CTNND2: variants seen among roughly 807,000 people sequenced by gnomAD.
The protein encoded by CTNND2 is catenin delta 2.
A neutral mutation model predicts 144.4 loss-of-function variants in CTNND2; 22 were observed. The observed-to-expected ratio is 0.15, with a 90% CI of 0.11 to 0.22. The LOEUF (loss-of-function observed/expected upper bound fraction) is 0.22. CTNND2 is among the 10% of genes least tolerant of loss of function. The pLI, the probability that CTNND2 is intolerant of heterozygous loss-of-function variation, is 1.00. For synonymous variants in CTNND2, 751 were observed against 695.6 expected (o/e 1.08, Z -1.25); for missense variants, 1,353 against 1,618.8 (o/e 0.84, Z 2.82).
At chr5:11,105,932 G>A (rs545806347) in intron 14 of CTNND2, among the ~76,000 whole-genome samples, 5 of 152,268 alleles carry the variant, frequency 3.3e-5, no homozygotes, top group Admixed American at 3.3e-4. Context: ...CAGATGGTTA[G>A]AAAGGAAATG....
intron 1 of CTNND2, among the ~76,000 whole-genome samples, chr5:11,897,737 T>C (rs1737508383): frequency 6.6e-6 from 1 of 152,204 alleles, no homozygotes; most frequent in Admixed American, 6.5e-5. Flanking sequence ...TTGATAACTC[T>C]TGATGTAGTG....
intron 1 of CTNND2, among the ~76,000 whole-genome samples, chr5:11,883,174 A>G (rs1457689598): frequency 6.6e-6 from 1 of 152,000 alleles, no homozygotes; most frequent in Non-Finnish European, 1.5e-5. Context: ...TTGAAACTTT[A>G]CTGCATTTAT....
At position 11,334,714 on chromosome 5, in the gene CTNND2, A is replaced by G. The variant is rs139289167; in HGVS notation, c.1628+11658T>C. Reference sequence around the variant, plus strand: ...TGTAGCATCCTTCAAGAGCAGATAGATAGGGTAGATGGAGGCCCTCACTTT... The same window carrying G: ...TGTAGCATCCTTCAAGAGCAGATAGGTAGGGTAGATGGAGGCCCTCACTTT... On this transcript the variant is annotated intron_variant, in intron 9 of 21. Transcript: ENST00000304623. Among the ~76,000 whole-genome samples the G allele has an allele frequency of 3.4e-4, 52 of 152,314 alleles. No individual in the cohort carries two copies. In the East Asian group the frequency reaches 6.8e-3, roughly 20 times the overall value.
At chr5:11,854,106 CTTG>C (rs999062359) in intron 1 of CTNND2, among the ~76,000 whole-genome samples, 1 of 152,202 alleles carries the variant, frequency 6.6e-6, no homozygotes, top group African/African-American at 2.4e-5. Context: ...CACCGTCCTC[CTTG>C]TTGTTCCCAA....
intron 3 of CTNND2, among the ~76,000 whole-genome samples, chr5:11,479,269 G>A (rs969233688): frequency 5.3e-5 from 8 of 152,028 alleles, no homozygotes; most frequent in Non-Finnish European, 7.4e-5. Flanking sequence ...CTATTCTTGC[G>A]TTAGTTTGTT....
chr5:11,370,630 ACT>A (rs959116880), intron 7 of CTNND2, among the ~76,000 whole-genome samples: 1 of 152,132 alleles, frequency 6.6e-6, no homozygotes, highest in South Asian at 2.1e-4. Flanking sequence ...ATAATCTATG[ACT>A]CTCTAATTTA....
At chr5:11,244,280 A>ATTTTTTTTTTTTTTTTTTTTTTT (rs11322159) in intron 9 of CTNND2, among the ~76,000 whole-genome samples, 1 of 104,102 alleles carries the variant, frequency 9.6e-6, no homozygotes, top group East Asian at 2.5e-4. Context: ...GTCCTATACA[A>ATTTTTTTTTTTTTTTTTTTTTTT]TTTTTTTTTT....
At chr5:11,339,811 T>C (rs1159991843) in intron 9 of CTNND2, among the ~76,000 whole-genome samples, 2 of 152,196 alleles carry the variant, frequency 1.3e-5, no homozygotes, top group South Asian at 4.1e-4. Flanking sequence ...GGCACCTTGA[T>C]CTTGGACTTC....
rs1429420670 is a variant in CTNND2 at position 11,129,286 on chromosome 5, AAATATAT to A, written c.2160-11726_2160-11720del. ...AAATATATAAATATATATTATATAA[AAATATAT>A]AATATATATTATATATATAAATATA... On this transcript the variant is annotated intron_variant, in intron 12 of 21. Coordinates refer to ENST00000304623, the MANE Select transcript of CTNND2 (RefSeq NM_001332.4). Among the ~76,000 whole-genome samples the A allele has an allele frequency of 5.3e-5, 3 of 56,832 alleles. 1 individual carries two copies. In the Admixed American group the frequency reaches 9.7e-4, roughly 18 times the overall value. The allele number at this position is 56,832 out of a possible 152,430, so 37.3% of individuals were successfully genotyped here.
chr5:11,241,287 GACA>G (rs1322819563), intron 9 of CTNND2, among the ~76,000 whole-genome samples: 4 of 152,188 alleles, frequency 2.6e-5, no homozygotes, highest in Non-Finnish European at 4.4e-5. Context: ...ACTGCACTTA[GACA>G]ACAATCTGTG....
chr5:11,592,020 T>G (rs919849482), intron 2 of CTNND2, among the ~76,000 whole-genome samples: 15 of 151,802 alleles, frequency 9.9e-5, no homozygotes, highest in Non-Finnish European at 1.9e-4. Context: ...TATTGGGACT[T>G]GTCCTTCATA....
chr5:10,980,895 G>A (rs1737154965), intron 21 of CTNND2, among the ~76,000 whole-genome samples: 1 of 152,098 alleles, frequency 6.6e-6, no homozygotes. Flanking sequence ...GGCCTGCTGG[G>A]GGTCAGGGGC....
chr5:11,175,663 C>T (rs1760412471), intron 11 of CTNND2, among the ~76,000 whole-genome samples: 1 of 151,090 alleles, frequency 6.6e-6, no homozygotes, highest in South Asian at 2.1e-4. Flanking sequence ...GACATTGGCT[C>T]TTACTATGTA....
chr5:11,762,743 A>G (rs1789343963), intron 1 of CTNND2, among the ~76,000 whole-genome samples: 1 of 152,122 alleles, frequency 6.6e-6, no homozygotes, highest in Admixed American at 6.6e-5. Context: ...CATCTTCCAC[A>G]TGGACTGGTC....
intron 6 of CTNND2, among the ~76,000 whole-genome samples, chr5:11,393,281 T>C (rs906772861): frequency 1.3e-5 from 2 of 152,158 alleles, no homozygotes; most frequent in African/African-American, 4.8e-5. Context: ...TAATTTCTCT[T>C]ACAGCAAGCA....
At chr5:11,838,742 A>T (rs572415032) in intron 1 of CTNND2, among the ~76,000 whole-genome samples, 11 of 152,240 alleles carry the variant, frequency 7.2e-5, no homozygotes, top group African/African-American at 2.6e-4. Context: ...TAAGAGATAA[A>T]TTTTTTCACA....
intron 1 of CTNND2, among the ~76,000 whole-genome samples, chr5:11,863,786 T>C (rs1185550024): frequency 1.3e-5 from 2 of 152,180 alleles, no homozygotes; most frequent in East Asian, 1.9e-4. Flanking sequence ...CACAAGATAA[T>C]AGGCAATTTA....
At chr5:11,555,281 G>GCAAAA (rs1776129678) in intron 3 of CTNND2, among the ~76,000 whole-genome samples, 1 of 152,170 alleles carries the variant, frequency 6.6e-6, no homozygotes, top group Admixed American at 6.6e-5. Flanking sequence ...ACAAGGCTCA[G>GCAAAA]CAAAGCCTTA....
chr5:11,426,019 A>G (rs995255614), intron 3 of CTNND2, among the ~76,000 whole-genome samples: 1 of 152,182 alleles, frequency 6.6e-6, no homozygotes. Flanking sequence ...AGGTCAGGTT[A>G]GCCAGAATCC....
Sources: gnomAD v4.1 joint callset for allele counts (sites outside exome capture counted in the v4.1 genomes callset) on GRCh38, gnomAD v4.1.1 for gene constraint, MANE v1.5 for transcripts, NCBI Gene and HGNC (gene_info 2026-07-23, HGNC 2026-07-21) for gene names.